CLEC4M: variants seen among roughly 807,000 people sequenced by gnomAD.
CLEC4M encodes C-type lectin domain family 4 member M.
CLEC4M carries 25 observed loss-of-function variants against 39.1 expected under a neutral mutation model. The ratio of observed to expected loss-of-function variants is 0.64; its 90% CI spans 0.47 to 0.89. The LOEUF (loss-of-function observed/expected upper bound fraction) is 0.89, where lower values mean the gene tolerates loss of function less well. Among genes scored for constraint, CLEC4M ranks in the 40% least tolerant of loss-of-function variants. CLEC4M has a pLI of 0.00. For synonymous variants in CLEC4M, 155 were observed against 177.4 expected (o/e 0.87, Z 1.00); for missense variants, 353 against 431.4 (o/e 0.82, Z 1.61).
chr19:7,767,793 A>G, intron 6 of CLEC4M, 165 bp downstream of exon 6: 1 of 590,246 alleles, frequency 1.7e-6, no homozygotes, highest in Non-Finnish European at 3.0e-6. Context: ...ACCTCCAGAC[A>G]GGATGAAAGG....
At position 7,768,891 on chromosome 19, in the gene CLEC4M, G is replaced by C; in HGVS notation, c.1103G>C (p.Cys368Ser). 1 of 1,614,204 alleles carries C rather than the reference G, an allele frequency of 6.2e-7. No individual in the cohort carries two copies. Among genetic ancestry groups the C allele is most frequent in the South Asian group, 1.1e-5 (1 of 91,090 alleles). The stretch of plus-strand genomic sequence containing the variant: ...CCCAACAATAGCGGGAATGAAGACT[G>C]TGCGGAATTTAGTGGCAGTGGCTGG... ...GEPNNSGNED[C>S]AEFSGSGWND... Residue 368 changes from cysteine (C) to serine (S), a missense_variant, in exon 7 of 7, where the codon TGT becomes TCT. Cys to Ser is a moderately radical substitution (Grantham distance 112). Coordinates refer to ENST00000327325, the MANE Select transcript of CLEC4M (RefSeq NM_014257.5).
chr19:7,767,780 C>T lies in CLEC4M; in HGVS notation c.1049+152C>T, dbSNP rs2034344830. The T allele has an allele frequency of 4.8e-6, 3 of 620,080 alleles. No homozygotes were observed. In the South Asian group the frequency reaches 5.8e-5, roughly 12 times the overall value. 38.4% of individuals were successfully genotyped at this position (620,080 alleles called of 1,614,324 possible). On this transcript the variant is annotated intron_variant, in intron 6 of 6. Coordinates refer to ENST00000327325, the MANE Select transcript of CLEC4M (RefSeq NM_014257.5). Reference sequence around the variant, plus strand: ...TGAGTTGAGGAAGGTGGTCTTCATACCCACCTCCAGACAGGATGAAAGGTG... The same window carrying T: ...TGAGTTGAGGAAGGTGGTCTTCATATCCACCTCCAGACAGGATGAAAGGTG...
At chr19:7,767,711 C>T (rs374325213) in intron 6 of CLEC4M, 83 bp downstream of exon 6, 4 of 1,200,708 alleles carry the variant, frequency 3.3e-6, no homozygotes, top group Middle Eastern at 1.9e-4. Flanking sequence ...GGGGGTCCCC[C>T]CCAACCTCCC....
At chr19:7,763,628 A>T in intron 2 of CLEC4M, 152 bp downstream of exon 2, 1 of 611,130 alleles carries the variant, frequency 1.6e-6, no homozygotes, top group Non-Finnish European at 2.8e-6. Flanking sequence ...CGGGGTAGGG[A>T]TCTGAACTCC....
chr19:7,769,163 G>A lies in CLEC4M; in HGVS notation c.*175G>A. 3.4e-6 allele frequency: 2 copies of A among 594,580 alleles called. No individual in the cohort carries two copies. The highest frequency in any genetic ancestry group is 6.1e-5 in the Admixed American group (2 of 32,590). The allele number at this position is 594,580 out of a possible 1,614,324, so 36.8% of individuals were successfully genotyped here. On this transcript the variant is annotated 3_prime_UTR_variant, in exon 7 of 7. Transcript: ENST00000327325. ...TATTCTGTCCTTCTGATGCCTCCAA[G>A]TTTCCCTGGTGTAGAGCTTGTGTTC...
chr19:7,767,528 C>T lies in CLEC4M; in HGVS notation c.949C>T (p.Leu317=). ...CTCTACCCTCCAGAACTTCCTACAG[C>T]TGCAGACTTCCAGGAGTAACCGCTT... ...KTAEEQNFLQ[L]QTSRSNRFSW... The change falls in exon 6 of 7, where the codon CTG becomes TTG. Residue 317 remains leucine (L), a synonymous_variant. Coordinates refer to ENST00000327325, the MANE Select transcript of CLEC4M (RefSeq NM_014257.5). 1 of 1,614,120 alleles carries T rather than the reference C, an allele frequency of 6.2e-7. No individual in the cohort carries two copies.
At chr19:7,764,947 G>T (rs1206138605) in intron 2 of CLEC4M, among the ~76,000 whole-genome samples, 1 of 152,072 alleles carries the variant, frequency 6.6e-6, no homozygotes, top group Non-Finnish European at 1.5e-5. Context: ...GGGTTCCTGG[G>T]ACCTGGGGAG....
intron 2 of CLEC4M, 41 bp from the exon 3 acceptor site, chr19:7,765,144 G>A (rs994804988): frequency 1.2e-6 from 2 of 1,607,688 alleles, no homozygotes; most frequent in East Asian, 2.2e-5. Flanking sequence ...GCCAGGCTCA[G>A]GTGGGAACAC....
At chr19:7,767,067 G>T (rs560634) in intron 5 of CLEC4M, 70,876 of 563,592 alleles carry the variant, frequency 0.13, 5,373 homozygotes, top group African/African-American at 0.23. Context: ...CCAGCTCTCC[G>T]GAGAGAAAAT....
Position 7,766,789 on chromosome 19 carries a change from CA to C in CLEC4M, c.922del (p.Thr308LeufsTer26), listed in dbSNP as rs2034298210. ...AAGTGAGGGCCCAGCTCGTCGTAAT[CA>C]AAACTGCTGAGGAGCAGGTACACGT... The part of the protein sequence containing the change: ...QEVRAQLVVI[K>X]TAEEQNFLQL... On this transcript the variant is annotated frameshift_variant, in exon 5 of 7. Coordinates refer to ENST00000327325, the MANE Select transcript of CLEC4M (RefSeq NM_014257.5). LOFTEE classifies it high-confidence loss of function. 1 of 1,614,202 alleles carries C rather than the reference CA, an allele frequency of 6.2e-7. No individual in the cohort carries two copies. The highest frequency in any genetic ancestry group is 1.3e-5 in the African/African-American group (1 of 75,062).
At chr19:7,764,308 T>C (rs1004883292) in intron 2 of CLEC4M, among the ~76,000 whole-genome samples, 2 of 152,070 alleles carry the variant, frequency 1.3e-5, no homozygotes, top group African/African-American at 4.8e-5. Context: ...TTTCTTATTT[T>C]TCAAGGAAAA....
At chr19:7,766,346 C>G (rs1414446877) in intron 4 of CLEC4M, 139 bp downstream of exon 4, 1 of 1,490,830 alleles carries the variant, frequency 6.7e-7, no homozygotes, top group Non-Finnish European at 8.9e-7. Flanking sequence ...GATCATTGCA[C>G]TTGGTGTTCA....
At chr19:7,767,263 A>G in intron 5 of CLEC4M, 1 of 487,744 alleles carries the variant, frequency 2.1e-6, no homozygotes, top group Non-Finnish European at 3.7e-6. Context: ...GTGGACATGC[A>G]AAATAGATAA....
chr19:7,765,527 G>T, intron 3 of CLEC4M, 111 bp from the exon 4 acceptor site: 1 of 1,511,660 alleles, frequency 6.6e-7, no homozygotes, highest in East Asian at 2.3e-5. Context: ...ATCTTCAAAG[G>T]GGATTAACTG....
chr19:7,767,692 G>C, intron 6 of CLEC4M, 64 bp downstream of exon 6: 1 of 1,441,832 alleles, frequency 6.9e-7, no homozygotes, highest in East Asian at 2.3e-5. Context: ...TCTGACTTGA[G>C]CTTTCCCTGG....
At chr19:7,766,431 A>G in intron 4 of CLEC4M, 1 of 1,449,804 alleles carries the variant, frequency 6.9e-7, no homozygotes, top group South Asian at 1.5e-5. Context: ...AAAGCTGCTA[A>G]TTCTCCCAGT....
rs759688446 is a variant in CLEC4M at position 7,768,960 on chromosome 19, A to C, written c.1172A>C (p.Lys391Thr). 3 of 1,614,128 alleles carry C rather than the reference A, an allele frequency of 1.9e-6. No homozygotes were observed. In the South Asian group the frequency reaches 3.3e-5, roughly 18 times the overall value. Reference protein sequence around the residue: ...CDVDNYWICKKPAACFRDE With the variant: ...CDVDNYWICKTPAACFRDE ...GTTGACAATTACTGGATCTGCAAAA[A>C]GCCCGCAGCCTGCTTCAGAGACGAA... Residue 391 changes from lysine (K) to threonine (T), a missense_variant, in exon 7 of 7, where the codon AAG becomes ACG. Physicochemically the swap from Lys to Thr is moderately conservative, Grantham distance 78. Around this residue, in one of 4 missense-constraint regions of CLEC4M, gnomAD observed 196 missense variants for 211.7 expected, o/e 0.93. Transcript: ENST00000327325.
At position 7,765,252 on chromosome 19, in the gene CLEC4M, G is replaced by A. The variant is rs767009217; in HGVS notation, c.198G>A (p.Val66=). 63 of 1,614,004 alleles carry A rather than the reference G, an allele frequency of 3.9e-5. No homozygotes were observed. Among genetic ancestry groups the A allele is most frequent in the Non-Finnish European group, 4.5e-5 (53 of 1,179,994 alleles). ...LSFMLLAGVL[V]AILVQVSKVP... is the part of the protein sequence containing the mutation. ...TCATGCTCTTGGCTGGGGTCCTGGTGGCCATCCTTGTCCAAGGTCAGGGGC... is the reference window on the plus strand; with the variant it reads ...TCATGCTCTTGGCTGGGGTCCTGGTAGCCATCCTTGTCCAAGGTCAGGGGC... The change falls in exon 3 of 7, where the codon GTG becomes GTA. Residue 66 remains valine, a synonymous_variant. Transcript: ENST00000327325.
chr19:7,769,118 T>A lies in CLEC4M; in HGVS notation c.*130T>A, dbSNP rs575668297. 346 of 905,432 alleles carry A rather than the reference T, an allele frequency of 3.8e-4. No homozygotes were observed. The African/African-American group carries it at 5.1e-3, about 13-fold the overall frequency. 56.1% of individuals were successfully genotyped at this position (905,432 alleles called of 1,614,324 possible). A position where few individuals can be genotyped will look rare whatever the true frequency, so the allele number is the denominator to read the frequency against. On this transcript the variant is annotated 3_prime_UTR_variant, in exon 7 of 7. Transcript: ENST00000327325. ...AGACGGTTCTCTGTTCGATTTTTCA[T>A]CCCCTATGAACCTGGGTCTTATTCT...
Sources: allele counts gnomAD v4.1 joint callset (sites outside exome capture counted in the v4.1 genomes callset), GRCh38; gene constraint gnomAD v4.1.1; regional missense constraint gnomAD v4.1.1; transcripts MANE v1.5; gene names NCBI Gene and HGNC (gene_info 2026-07-23, HGNC 2026-07-21).